The following LMLN variants were observed in gnomAD, a reference collection of about 807,000 sequenced individuals.
LMLN encodes leishmanolysin like peptidase, also known as leishmanolysin-like peptidase.
A neutral mutation model predicts 92.3 loss-of-function variants in LMLN; 70 were observed. The ratio of observed to expected loss-of-function variants is 0.76; its 90% CI spans 0.63 to 0.92. The LOEUF (loss-of-function observed/expected upper bound fraction) is 0.92. Among genes scored for constraint, LMLN ranks in the 40% least tolerant of loss-of-function variants. The pLI is 0.00. For missense variants in LMLN, 691 were observed against 814.6 expected, an observed-to-expected ratio of 0.85 and a Z score of 1.85; for synonymous variants, 308 against 296.2, an observed-to-expected ratio of 1.04 and a Z score of -0.41.
chr3:198,010,512 G>C (rs1445472194), intron 11 of LMLN, among the ~76,000 whole-genome samples: 1 of 151,042 alleles, frequency 6.6e-6, no homozygotes, highest in African/African-American at 2.4e-5. Flanking sequence ...CAATGGGTGC[G>C]ATCATGAGGC....
Position 198,042,316 on chromosome 3 carries a change from A to G in LMLN, c.*3649A>G, listed in dbSNP as rs1723429526. Reference sequence around the variant, plus strand: ...GCCAAGGCAAGCAGATCACGAGATCAGGAGTTTGAGGTTACAGTGAGCTGA... The same window carrying G: ...GCCAAGGCAAGCAGATCACGAGATCGGGAGTTTGAGGTTACAGTGAGCTGA... On this transcript the variant is annotated 3_prime_UTR_variant, in exon 16 of 16. Coordinates refer to ENST00000330198, the Ensembl canonical transcript of LMLN. This position sits in a 1 kb window ranked among gnomAD's most constrained non-coding sequence, Gnocchi z 4.2. 1 of 152,072 alleles carries G rather than the reference A, an allele frequency of 6.6e-6. No homozygotes were observed. Among genetic ancestry groups the G allele is most frequent in the African/African-American group, 2.4e-5 (1 of 41,392 alleles). The allele number at this position is 152,072 out of a possible 1,614,324, so 9.4% of individuals were successfully genotyped here. A position where few individuals can be genotyped will look rare whatever the true frequency, so the allele number is the denominator to read the frequency against.
chr3:198,001,082 G>C (rs1455772247), intron 11 of LMLN, among the ~76,000 whole-genome samples: 7 of 152,244 alleles, frequency 4.6e-5, no homozygotes, highest in South Asian at 2.1e-4. Context: ...AGCTAAAGTT[G>C]CTTCCTCAGA....
chr3:198,003,022 A>C, intron 11 of LMLN: 1 of 1,547,220 alleles, frequency 6.5e-7, no homozygotes. Context: ...CAGCTGGTAT[A>C]AAGCAAATTA....
intron 8 of LMLN, among the ~76,000 whole-genome samples, chr3:197,986,586 A>G (rs1216322771): frequency 6.6e-6 from 1 of 152,250 alleles, no homozygotes; most frequent in African/African-American, 2.4e-5. Flanking sequence ...AGTATGAATG[A>G]TAAAGAGAGA....
At chr3:198,014,662 CT>C (rs201602162) in intron 11 of LMLN, among the ~76,000 whole-genome samples, 1 of 143,252 alleles carries the variant, frequency 7.0e-6, no homozygotes, top group African/African-American at 2.7e-5. Context: ...TCAGAGTCCC[CT>C]TAACTAGTCT....
Position 198,026,814 on chromosome 3 carries a change from T to C in LMLN, c.1656+2026T>C, listed in dbSNP as rs554050003. Among the ~76,000 whole-genome samples, 9 of 152,276 alleles carry C rather than the reference T, an allele frequency of 5.9e-5. No individual in the cohort carries two copies. In the South Asian group the frequency reaches 1.7e-3, roughly 28 times the overall value. Reference sequence around the variant, plus strand: ...GAGACTAAGATCTGGGCGCTAATTATACTGTTCATTGCTTTTAGTGGAGTG... The same window carrying C: ...GAGACTAAGATCTGGGCGCTAATTACACTGTTCATTGCTTTTAGTGGAGTG... On this transcript the variant is annotated intron_variant, in intron 14 of 15. Transcript: ENST00000330198.
intron 15 of LMLN, 73 bp from the exon 17 acceptor site, chr3:198,038,494 C>A (rs867467166): frequency 9.5e-7 from 1 of 1,047,788 alleles, no homozygotes. Flanking sequence ...TGCTCTTCAT[C>A]TGTCAATATT....
chr3:197,972,133 T>A (rs1345698007), intron 1 of LMLN, among the ~76,000 whole-genome samples: 1 of 151,678 alleles, frequency 6.6e-6, no homozygotes, highest in African/African-American at 2.4e-5. Context: ...GGTGCAGTCT[T>A]GGCTCACTGC....
chr3:198,024,347 C>T, intron 13 of LMLN, among the ~76,000 whole-genome samples: 1 of 151,744 alleles, frequency 6.6e-6, no homozygotes, highest in Non-Finnish European at 1.5e-5. Flanking sequence ...TCCCGAGTAG[C>T]TGGGACTACA....
rs1254983542 is a variant in LMLN, at chr3:197,963,542, T to G, written c.219+3102T>G. On this transcript the variant is annotated intron_variant, in intron 1 of 15. Transcript: ENST00000330198. ...TTTTCCTAAGTCTTTTATTTTTTGA[T>G]GCCATTGTCAGTGGAATTATGGTTA... 1.3e-5 allele frequency among the ~76,000 whole-genome samples: 2 copies of G among 152,332 alleles called. 1 individual carries two copies. The highest frequency in any genetic ancestry group is 4.1e-4 in the South Asian group (2 of 4,830).
At chr3:197,988,190 C>G (rs1317586179) in intron 8 of LMLN, among the ~76,000 whole-genome samples, 1 of 150,986 alleles carries the variant, frequency 6.6e-6, no homozygotes, top group African/African-American at 2.4e-5. Flanking sequence ...CACTATATTG[C>G]CCAGGTGGGT....
intron 14 of LMLN, among the ~76,000 whole-genome samples, chr3:198,034,734 A>G (rs180727106): frequency 2.0e-4 from 31 of 152,352 alleles, no homozygotes; most frequent in Admixed American, 1.6e-3. Context: ...CAAATGAGCT[A>G]TGAGTCTTGC....
Position 198,019,353 on chromosome 3 carries a change from A to G in LMLN, c.1333A>G (p.Lys445Glu), listed in dbSNP as rs374099415. ...AGCAGTTGCCGTGTGTAATTTGCAGAAGTTCCCTAAGCCTTTACCACAGGA... is the reference window on the plus strand; with the variant it reads ...AGCAGTTGCCGTGTGTAATTTGCAGGAGTTCCCTAAGCCTTTACCACAGGA... The change falls in exon 12 of 16, where the codon AAG becomes GAG. Residue 445 changes from lysine (K) to glutamate (E), a missense_variant. Around this residue, in one of 4 missense-constraint regions of LMLN, gnomAD observed 352 missense variants for 443.6 expected, o/e 0.79. Transcript: ENST00000330198. The surrounding 1 kb of genome is among the most constrained non-coding windows in gnomAD (Gnocchi z 5.5). 3.7e-6 allele frequency: 6 copies of G among 1,613,998 alleles called. No homozygotes were observed. The highest frequency in any genetic ancestry group is 5.1e-6 in the Non-Finnish European group (6 of 1,180,016).
chr3:198,020,742 C>T (rs996058462), intron 12 of LMLN, among the ~76,000 whole-genome samples: 2 of 143,584 alleles, frequency 1.4e-5, no homozygotes, highest in Admixed American at 7.2e-5. Flanking sequence ...TACAGGTGTG[C>T]GCCACCACAC....
rs1395882707 is a variant in LMLN, at chr3:198,019,101, CA to C, written c.1233-151del. On this transcript the variant is annotated intron_variant, in intron 11 of 15. Coordinates refer to ENST00000330198, the Ensembl canonical transcript of LMLN. This position sits in a 1 kb window ranked among gnomAD's most constrained non-coding sequence, Gnocchi z 5.5. ...CTTTGTAGCTGCAGGGCAGAGGGGACATTGCCTCCATCTCTTTCCAAGAATC... is the reference window on the plus strand; with the variant it reads ...CTTTGTAGCTGCAGGGCAGAGGGGACTTGCCTCCATCTCTTTCCAAGAATC... The C allele has an allele frequency of 4.3e-6, 3 of 697,088 alleles. 1 individual carries two copies. Among genetic ancestry groups the C allele is most frequent in the Non-Finnish European group, 6.9e-6 (3 of 437,020 alleles). The allele number at this position is 697,088 out of a possible 1,614,324, so 43.2% of individuals were successfully genotyped here.
At chr3:198,035,893 C>A in exon 15 of LMLN, 2 of 1,613,950 alleles carry the variant, frequency 1.2e-6, no homozygotes, top group Non-Finnish European at 8.5e-7. Flanking sequence ...TTTGTGTAGT[C>A]GGGCTGGGCA....
At chr3:198,007,416 A>C (rs1722324826) in intron 11 of LMLN, among the ~76,000 whole-genome samples, 2 of 151,116 alleles carry the variant, frequency 1.3e-5, no homozygotes, top group Admixed American at 1.3e-4. Context: ...TGGCTTTAGC[A>C]CCATTTGTTG....
Position 197,997,409 on chromosome 3 carries a change from G to A in LMLN, c.1155+1127G>A, listed in dbSNP as rs113359703. On this transcript the variant is annotated intron_variant, in intron 10 of 15. Coordinates refer to ENST00000330198, the Ensembl canonical transcript of LMLN. The stretch of plus-strand genomic sequence containing the variant: ...TCAGCCTCCCAAAGTGTGGGGTTAC[G>A]GGCATGCATTCCGCACCTGGCTACT... 5.9e-3 allele frequency among the ~76,000 whole-genome samples: 895 copies of A among 152,204 alleles called. 6 individuals carry two copies. Among genetic ancestry groups the A allele is most frequent in the Non-Finnish European group, 0.01 (713 of 68,004 alleles).
exon 16 of LMLN, chr3:198,041,937 T>C (rs1301659643): frequency 2.0e-5 from 3 of 152,202 alleles, no homozygotes; most frequent in Non-Finnish European, 4.4e-5. Context: ...TTTATTGATA[T>C]AATTATATTT....
Sources: gnomAD v4.1 joint callset for allele counts (sites outside exome capture counted in the v4.1 genomes callset) on GRCh38, gnomAD v4.1.1 for gene constraint, gnomAD v4.1.1 regional missense constraint, Gnocchi (gnomAD v3.1) non-coding constraint, MANE v1.5 for transcripts, NCBI Gene and HGNC (gene_info 2026-07-23, HGNC 2026-07-21) for gene names.